The following KLC3 variants were observed in gnomAD, a reference collection of about 807,000 sequenced individuals.
KLC3 encodes the protein kinesin light chain 2.
In KLC3, 72 loss-of-function variants were observed where a neutral mutation model predicts 62.9. The ratio of observed to expected loss-of-function variants is 1.15; its 90% CI spans 0.95 to 1.39. KLC3 has a LOEUF of 1.39. Among genes scored for constraint, KLC3 ranks in the 40% most tolerant of loss-of-function variants. The probability of loss-of-function intolerance (pLI) is 0.00; values close to 1 mark genes in which losing one functional copy is unlikely to be tolerated. For missense variants in KLC3, 848 were observed against 691.6 expected (o/e 1.23, Z -2.54); for synonymous variants, 377 against 300.5 (o/e 1.25, Z -2.63).
chr19:45,344,662 T>A (rs1971453029), intron 1 of KLC3, among the ~76,000 whole-genome samples: 1 of 152,112 alleles, frequency 6.6e-6, no homozygotes, highest in Non-Finnish European at 1.5e-5. Flanking sequence ...TGTGTGTATA[T>A]GAGGACCCCA....
Position 45,350,339 on chromosome 19 carries a change from A to T in KLC3, c.1144-2A>T. The T allele has an allele frequency of 6.2e-7, 1 of 1,613,094 alleles. No individual in the cohort carries two copies. Among genetic ancestry groups the T allele is most frequent in the Non-Finnish European group, 8.5e-7 (1 of 1,179,818 alleles). On this transcript the variant is annotated splice_acceptor_variant, in intron 8 of 12. Transcript: ENST00000391946. LOFTEE classifies it high-confidence loss of function. Reference sequence around the variant, plus strand: ...AGTTCCCAGACACTCCCTTCTCCGCAGGCCTCAGCCTACCTGAAACAGAAC... The same window carrying T: ...AGTTCCCAGACACTCCCTTCTCCGCTGGCCTCAGCCTACCTGAAACAGAAC...
chr19:45,349,452 T>G lies in KLC3; in HGVS notation c.993T>G (p.Asp331Glu). ...AGGTCCTGGGTGCTGACCACCCAGATGTGGCCAAGCAGCTCAACAACCTGG... is the reference window on the plus strand; with the variant it reads ...AGGTCCTGGGTGCTGACCACCCAGAGGTGGCCAAGCAGCTCAACAACCTGG... ...REKVLGADHP[D>E]VAKQLNNLAL... is the part of the protein sequence containing the mutation. The change falls in exon 8 of 13, where the codon GAT becomes GAG. Residue 331 changes from aspartate to glutamate, a missense_variant. Transcript: ENST00000391946. The G allele has an allele frequency of 6.2e-7, 1 of 1,611,928 alleles. No individual in the cohort carries two copies. Among genetic ancestry groups the G allele is most frequent in the East Asian group, 2.2e-5 (1 of 44,822 alleles).
chr19:45,349,279 T>C, intron 7 of KLC3, 150 bp from the exon 8 acceptor site: 2 of 755,722 alleles, frequency 2.6e-6, no homozygotes, highest in Non-Finnish European at 2.1e-6. Context: ...TCCCGTTAGA[T>C]GGTATAACTT....
intron 1 of KLC3, among the ~76,000 whole-genome samples, chr19:45,341,578 TGCGCGC>T (rs200152688): frequency 2.1e-5 from 3 of 139,790 alleles, no homozygotes; most frequent in South Asian, 2.3e-4. Flanking sequence ...TGTGTGTGTG[TGCGCGC>T]GCGCGTGTGG....
In KLC3 at chr19:45,349,505, T is replaced by C. The variant is rs1204181964; in HGVS notation, c.1046T>C (p.Phe349Ser). The part of the protein sequence containing the change: ...LALLCQNQGK[F>S]EDVERHYARA... ...CTGCTGTGCCAGAACCAGGGCAAGTTTGAGGACGTGGAGCGGCACTATGCC... is the reference window on the plus strand; with the variant it reads ...CTGCTGTGCCAGAACCAGGGCAAGTCTGAGGACGTGGAGCGGCACTATGCC... Residue 349 changes from phenylalanine (F) to serine (S), a missense_variant, in exon 8 of 13, where the codon TTT becomes TCT. Coordinates refer to ENST00000391946, the MANE Select transcript of KLC3 (RefSeq NM_177417.3). 3 of 1,613,616 alleles carry C rather than the reference T, an allele frequency of 1.9e-6. No homozygotes were observed. Among genetic ancestry groups the C allele is most frequent in the East Asian group, 4.5e-5 (2 of 44,850 alleles).
intron 1 of KLC3, 125 bp from the exon 2 acceptor site, chr19:45,345,409 G>A: frequency 7.8e-7 from 1 of 1,286,058 alleles, no homozygotes; most frequent in Non-Finnish European, 1.1e-6. Flanking sequence ...CAGGATGGGT[G>A]GAGCAGGGAA....
chr19:45,346,560 C>A lies in KLC3; in HGVS notation c.275C>A (p.Ser92Ter). Residue 92 changes from serine (S) to a stop codon, truncating the protein, a stop_gained, in exon 3 of 13, where the codon TCG becomes TAG. Transcript: ENST00000391946. LOFTEE classifies it high-confidence loss of function. ...CCCGGGCAGGTGCTGCTGGCCCTGT[C>A]GGCACATGTGGGTGCACTGGAGGCA... The part of the protein sequence containing the change: ...LGEAQVLLAL[S>*]AHVGALEAEK... 6.5e-7 allele frequency: 1 copy of A among 1,538,284 alleles called. No homozygotes were observed.
intron 8 of KLC3, chr19:45,350,113 C>T (rs1203452486): frequency 1.1e-5 from 6 of 551,682 alleles, no homozygotes; most frequent in African/African-American, 3.8e-5. Flanking sequence ...GGGAAGGATA[C>T]GGCCAGGTCA....
At chr19:45,343,077 C>A (rs534993632) in intron 1 of KLC3, among the ~76,000 whole-genome samples, 6 of 152,082 alleles carry the variant, frequency 3.9e-5, no homozygotes, top group Non-Finnish European at 8.8e-5. Flanking sequence ...GTGGGAGTCC[C>A]TGCTGGCCAG....
chr19:45,345,918 C>G, intron 2 of KLC3, 119 bp downstream of exon 2: 1 of 1,182,866 alleles, frequency 8.5e-7, no homozygotes, highest in Non-Finnish European at 1.2e-6. Flanking sequence ...CAGAGGGGCA[C>G]ACTTTGGGAG....
At chr19:45,349,144 C>G (rs902379360) in intron 7 of KLC3, among the ~76,000 whole-genome samples, 14 of 152,242 alleles carry the variant, frequency 9.2e-5, no homozygotes, top group African/African-American at 3.4e-4. Flanking sequence ...ACACATCACC[C>G]TCCAACTGGG....
At position 45,351,453 on chromosome 19, in the gene KLC3, C is replaced by A; in HGVS notation, c.*96C>A. 1.3e-6 allele frequency: 2 copies of A among 1,583,024 alleles called. No individual in the cohort carries two copies. Among genetic ancestry groups the A allele is most frequent in the African/African-American group, 1.3e-5 (1 of 74,662 alleles). On this transcript the variant is annotated 3_prime_UTR_variant, in exon 13 of 13. Coordinates refer to ENST00000391946, the MANE Select transcript of KLC3 (RefSeq NM_177417.3). ...GGGGTCTATCATCTCCTGGCCCCCC[C>A]TTGCCTCTGGGTACCTGGTGGATAG...
chr19:45,341,690 C>G (rs894921642), intron 1 of KLC3, among the ~76,000 whole-genome samples: 1 of 148,392 alleles, frequency 6.7e-6, no homozygotes, highest in Non-Finnish European at 1.5e-5. Context: ...GAACTGTGTC[C>G]AGAAGTGGAG....
rs1314709345 is a variant in KLC3, at chr19:45,351,407, G to C, written c.*50G>C. 6.3e-7 allele frequency: 1 copy of C among 1,599,874 alleles called. No individual in the cohort carries two copies. The highest frequency in any genetic ancestry group is 8.5e-7 in the Non-Finnish European group (1 of 1,176,392). ...AGCTTCTTGGGAACAGTGCAGGAGGGATGGGCTGGTGGGGTGAGAGGGGGT... is the reference window on the plus strand; with the variant it reads ...AGCTTCTTGGGAACAGTGCAGGAGGCATGGGCTGGTGGGGTGAGAGGGGGT... On this transcript the variant is annotated 3_prime_UTR_variant, in exon 13 of 13. Coordinates refer to ENST00000391946, the MANE Select transcript of KLC3 (RefSeq NM_177417.3).
chr19:45,346,602 G>C lies in KLC3; in HGVS notation c.317G>C (p.Arg106Pro), dbSNP rs375944183. ...CTGGAGGCAGAGAAGCAGCGGCTGC[G>C]CTCGCAGGCCCGGCGGCTGGCCCAG... ...GALEAEKQRL[R>P]SQARRLAQEN... The change falls in exon 3 of 13, where the codon CGC becomes CCC. Residue 106 changes from arginine to proline, a missense_variant. Transcript: ENST00000391946. 2 of 1,549,848 alleles carry C rather than the reference G, an allele frequency of 1.3e-6. No homozygotes were observed. The highest frequency in any genetic ancestry group is 2.0e-5 in the Admixed American group (1 of 50,978).
At chr19:45,349,793 G>A (rs891301239) in intron 8 of KLC3, 191 bp downstream of exon 8, 6 of 574,768 alleles carry the variant, frequency 1.0e-5, no homozygotes, top group Non-Finnish European at 1.8e-5. Context: ...TAAGTCCACG[G>A]CAGCCAGAGG....
chr19:45,350,966 C>A lies in KLC3; in HGVS notation c.1392C>A (p.Ala464=). 6.2e-7 allele frequency: 1 copy of A among 1,614,118 alleles called. No individual in the cohort carries two copies. Among genetic ancestry groups the A allele is most frequent in the Non-Finnish European group, 8.5e-7 (1 of 1,180,016 alleles). Residue 464 remains alanine (A), a synonymous_variant, in exon 12 of 13, where the codon GCC becomes GCA. Coordinates refer to ENST00000391946, the MANE Select transcript of KLC3 (RefSeq NM_177417.3). ...AAAGAAGMKR[A]MSLNTLNVDA... ...GCCCTCTTTGCAGAATGAAGAGAGC[C>A]ATGTCACTCAACACACTGAACGTGG... is the stretch of plus-strand genomic sequence containing the variant.
chr19:45,350,782 A>C (rs900221244), intron 11 of KLC3, 35 bp downstream of exon 11: 9 of 1,567,856 alleles, frequency 5.7e-6, no homozygotes, highest in African/African-American at 1.3e-5. Flanking sequence ...GAGCCCTGAC[A>C]TCAGCAGAAT....
chr19:45,350,103 G>A (rs762249085), intron 8 of KLC3: 104 of 542,514 alleles, frequency 1.9e-4, no homozygotes, highest in Middle Eastern at 1.5e-3. Context: ...CTTTAGGCAG[G>A]GGAAGGATAC....
Sources: allele counts gnomAD v4.1 joint callset (sites outside exome capture counted in the v4.1 genomes callset), GRCh38; gene constraint gnomAD v4.1.1; transcripts MANE v1.5; gene names NCBI Gene and HGNC (gene_info 2026-07-23, HGNC 2026-07-21).